The following AQR variants were observed in gnomAD, a reference collection of about 807,000 sequenced individuals.
AQR encodes RNA helicase aquarius.
In AQR, 61 loss-of-function variants were observed where a neutral mutation model predicts 180.5. The observed-to-expected ratio is 0.34, with a 90% CI of 0.28 to 0.42. The LOEUF is 0.42. Among genes scored for constraint, AQR ranks in the 10% least tolerant of loss-of-function variants. The probability of loss-of-function intolerance (pLI) is 1.00; values close to 1 mark genes in which losing one functional copy is unlikely to be tolerated. For synonymous variants in AQR, 551 were observed against 588.8 expected, an observed-to-expected ratio of 0.94 and a Z score of 0.93; for missense variants, 1,281 against 1,798.3, an observed-to-expected ratio of 0.71 and a Z score of 5.20.
chr15:34,916,506 T>A (rs1893590353), intron 15 of AQR, among the ~76,000 whole-genome samples: 1 of 152,150 alleles, frequency 6.6e-6, no homozygotes, highest in Non-Finnish European at 1.5e-5. Flanking sequence ...TTATTTATAT[T>A]AGTAAACTCT....
intron 5 of AQR, among the ~76,000 whole-genome samples, chr15:34,945,520 T>C (rs1894097618): frequency 6.6e-6 from 1 of 152,250 alleles, no homozygotes; most frequent in African/African-American, 2.4e-5. Flanking sequence ...GTGATCTTTA[T>C]AACAGGTAAA....
chr15:34,877,835 G>C (rs1386860341), intron 27 of AQR, among the ~76,000 whole-genome samples: 1 of 152,094 alleles, frequency 6.6e-6, no homozygotes, highest in East Asian at 1.9e-4. Flanking sequence ...GTTGGCACTT[G>C]ATGCTGCAGG....
chr15:34,859,625 T>C (rs1892640615), intron 34 of AQR, among the ~76,000 whole-genome samples: 1 of 152,182 alleles, frequency 6.6e-6, no homozygotes, highest in Non-Finnish European at 1.5e-5. Context: ...TATGCTTCCA[T>C]TTATATAAAA....
chr15:34,883,580 C>T (rs2140467792), intron 26 of AQR, among the ~76,000 whole-genome samples: 1 of 152,216 alleles, frequency 6.6e-6, no homozygotes, highest in South Asian at 2.1e-4. Flanking sequence ...ACATATACTA[C>T]ATATCTGATA....
chr15:34,903,960 C>T (rs1837338626), intron 19 of AQR, among the ~76,000 whole-genome samples: 1 of 151,942 alleles, frequency 6.6e-6, no homozygotes, highest in South Asian at 2.1e-4. Flanking sequence ...TGGAAGTATA[C>T]CTACTTTTGA....
rs566590667 is a variant in AQR, at chr15:34,965,507, C to T, written c.76-1217G>A. ...CCAACATCGTGAAACCCCATCTCTA[C>T]CAAAAACACAAAAATTAGCCAGGCT... On this transcript the variant is annotated intron_variant, in intron 1 of 34. Coordinates refer to ENST00000156471, the MANE Select transcript of AQR (RefSeq NM_014691.3). 3.9e-5 allele frequency among the ~76,000 whole-genome samples: 6 copies of T among 152,208 alleles called. No individual in the cohort carries two copies. The East Asian group carries it at 1.2e-3, about 29-fold the overall frequency.
chr15:34,870,285 TAATG>T, intron 31 of AQR: 1 of 152,152 alleles, frequency 6.6e-6, no homozygotes. Context: ...TACCCTTCAT[TAATG>T]AAAGAATCAT....
chr15:34,920,861 G>A (rs1045191471), intron 13 of AQR, among the ~76,000 whole-genome samples: 66 of 152,120 alleles, frequency 4.3e-4, no homozygotes, highest in Non-Finnish European at 1.5e-4. Flanking sequence ...GGGAGGCTGA[G>A]GCAGGAAAAT....
At chr15:34,933,800 G>A (rs1389655981) in intron 10 of AQR, among the ~76,000 whole-genome samples, 1 of 152,178 alleles carries the variant, frequency 6.6e-6, no homozygotes, top group Non-Finnish European at 1.5e-5. Context: ...AGTAAAACCA[G>A]TTTGAGGTGA....
chr15:34,882,263 C>T (rs1892982173), intron 27 of AQR, among the ~76,000 whole-genome samples: 1 of 151,506 alleles, frequency 6.6e-6, no homozygotes, highest in Non-Finnish European at 1.5e-5. Context: ...AAAACTTTAA[C>T]AAGTATGAGA....
rs540310955 is a variant in AQR at position 34,948,461 on chromosome 15, A to G, written c.210-77T>C. 8.8e-6 allele frequency: 13 copies of G among 1,484,758 alleles called. No homozygotes were observed. The African/African-American group carries it at 1.6e-4, about 18-fold the overall frequency. The allele number at this position is 1,484,758 out of a possible 1,614,324, so 92.0% of individuals were successfully genotyped here. On this transcript the variant is annotated intron_variant, in intron 4 of 34. Coordinates refer to ENST00000156471, the MANE Select transcript of AQR (RefSeq NM_014691.3). Reference sequence around the variant, plus strand: ...TAATACATAACTCACCCAGAAAAGCATAATTATTTACAACTTTCTGAAAAT... The same window carrying G: ...TAATACATAACTCACCCAGAAAAGCGTAATTATTTACAACTTTCTGAAAAT...
At chr15:34,908,474 CT>C (rs1259625359) in intron 17 of AQR, among the ~76,000 whole-genome samples, 1 of 152,068 alleles carries the variant, frequency 6.6e-6, no homozygotes, top group Non-Finnish European at 1.5e-5. Flanking sequence ...AGAATCTCTC[CT>C]TTTTACTCCA....
intron 5 of AQR, among the ~76,000 whole-genome samples, chr15:34,946,916 G>A (rs1257780146): frequency 1.3e-5 from 2 of 149,600 alleles, no homozygotes; most frequent in East Asian, 4.0e-4. Context: ...CCGGCCAGCC[G>A]CCCCATCCGG....
In AQR at chr15:34,860,073, T is replaced by C; in HGVS notation, c.4112A>G (p.His1371Arg). ...ATAATGATGTGTAGTCTGTATCAAA[T>C]GCATGTACATGTTGTATACAAAGTT... is the stretch of plus-strand genomic sequence containing the variant. ...MANFVYNMYM[H>R]LIQTTHHYHQ... The change falls in exon 34 of 35, where the codon CAT becomes CGT. Residue 1371 changes from histidine (H) to arginine (R), a missense_variant. His to Arg is a conservative substitution (Grantham distance 29). Transcript: ENST00000156471. 2.0e-6 allele frequency: 3 copies of C among 1,493,334 alleles called. No individual in the cohort carries two copies. Among genetic ancestry groups the C allele is most frequent in the Non-Finnish European group, 2.7e-6 (3 of 1,106,324 alleles). 92.5% of individuals were successfully genotyped at this position (1,493,334 alleles called of 1,614,324 possible).
At chr15:34,865,548 C>T (rs897089577) in intron 32 of AQR, among the ~76,000 whole-genome samples, 3 of 152,174 alleles carry the variant, frequency 2.0e-5, no homozygotes, top group Admixed American at 2.0e-4. Flanking sequence ...CCCAGAAATT[C>T]TACTCTTAGG....
At chr15:34,958,227 G>A (rs755645074) in intron 3 of AQR, among the ~76,000 whole-genome samples, 11 of 151,698 alleles carry the variant, frequency 7.3e-5, no homozygotes, top group East Asian at 1.9e-4. Flanking sequence ...AAAGAATAAC[G>A]GTAGGGGCTG....
chr15:34,898,982 A>C (rs1893290619), intron 20 of AQR, among the ~76,000 whole-genome samples: 2 of 150,230 alleles, frequency 1.3e-5, no homozygotes, highest in Admixed American at 6.7e-5. Context: ...CCTGGCTAAC[A>C]CGGTGAAACC....
At chr15:34,934,234 ATTT>A (rs1044118939) in intron 10 of AQR, among the ~76,000 whole-genome samples, 6 of 150,268 alleles carry the variant, frequency 4.0e-5, no homozygotes, top group Non-Finnish European at 8.9e-5. Flanking sequence ...TATTGTATTA[ATTT>A]TTTATTAATG....
At position 34,856,048 on chromosome 15, in the gene AQR, G is replaced by A. The variant is rs17237214; in HGVS notation, c.*744C>T. 5,558 of 152,562 alleles carry A rather than the reference G, an allele frequency of 0.036. 141 individuals carry two copies. Among genetic ancestry groups the A allele is most frequent in the South Asian group, 0.064 (309 of 4,836 alleles). The allele number at this position is 152,562 out of a possible 1,614,324, so 9.5% of individuals were successfully genotyped here. ...TTCTTGCCCAGATTGATTTGGCAGAGTCCTCCTATTTAGCTGATGACAAAT... is the reference window on the plus strand; with the variant it reads ...TTCTTGCCCAGATTGATTTGGCAGAATCCTCCTATTTAGCTGATGACAAAT... On this transcript the variant is annotated 3_prime_UTR_variant, in exon 35 of 35. Coordinates refer to ENST00000156471, the MANE Select transcript of AQR (RefSeq NM_014691.3).
Sources: allele counts gnomAD v4.1 joint callset (sites outside exome capture counted in the v4.1 genomes callset), GRCh38; gene constraint gnomAD v4.1.1; transcripts MANE v1.5; gene names NCBI Gene and HGNC (gene_info 2026-07-23, HGNC 2026-07-21).